Variants in CPM observed in about 807,000 individuals in gnomAD.
CPM encodes the protein renal carboxypeptidase.
A neutral mutation model predicts 46.4 loss-of-function variants in CPM; 35 were observed. The observed-to-expected ratio is 0.75, with a 90% confidence interval of 0.58 to 1.00. The LOEUF (loss-of-function observed/expected upper bound fraction) is 1.00. Ranked by LOEUF, CPM falls within the 50% of genes least tolerant of loss-of-function variation. The probability of loss-of-function intolerance (pLI) is 0.00; values close to 1 mark genes in which losing one functional copy is unlikely to be tolerated. For missense variants in CPM, 422 were observed against 530.4 expected (o/e 0.80, Z 2.01); for synonymous variants, 195 against 195.3 (o/e 1.00, Z 0.01).
chr12:68,939,068 A>C (rs1888718538), intron 1 of CPM, among the ~76,000 whole-genome samples: 1 of 146,942 alleles, frequency 6.8e-6, no homozygotes, highest in South Asian at 2.1e-4. Context: ...ATATGTACAT[A>C]CATCTATATA....
chr12:68,887,538 C>T (rs1366456192), intron 2 of CPM, among the ~76,000 whole-genome samples: 1 of 152,210 alleles, frequency 6.6e-6, no homozygotes, highest in Admixed American at 6.5e-5. Context: ...CAGGAGTTCT[C>T]AGAAAACACC....
At position 68,930,329 on chromosome 12, in the gene CPM, G is replaced by A. The variant is rs557877704; in HGVS notation, c.160+2349C>T. Among the ~76,000 whole-genome samples, 7 of 152,302 alleles carry A rather than the reference G, an allele frequency of 4.6e-5. No homozygotes were observed. The South Asian group carries it at 1.0e-3, about 23-fold the overall frequency. On this transcript the variant is annotated intron_variant, in intron 2 of 8. Coordinates refer to ENST00000551568, the MANE Select transcript of CPM (RefSeq NM_198320.5). ...ATTCCTGACCTCAGGTGATCCTCCC[G>A]CCTCGGCCTCCCAAGGTGCTGGGAT...
chr12:68,958,191 C>T (rs1889056008), intron 1 of CPM, among the ~76,000 whole-genome samples: 1 of 152,038 alleles, frequency 6.6e-6, no homozygotes, highest in African/African-American at 2.4e-5. Context: ...ATTTATAATC[C>T]TTTGGATATA....
At chr12:68,962,118 T>A (rs1435567270) in intron 1 of CPM, among the ~76,000 whole-genome samples, 3 of 149,296 alleles carry the variant, frequency 2.0e-5, no homozygotes, top group Non-Finnish European at 1.5e-5. Flanking sequence ...GAGAATGGCG[T>A]GAACCTGGGA....
At chr12:68,895,937 C>T (rs1156241046) in intron 2 of CPM, among the ~76,000 whole-genome samples, 1 of 152,184 alleles carries the variant, frequency 6.6e-6, no homozygotes, top group Non-Finnish European at 1.5e-5. Flanking sequence ...CATATGTGAA[C>T]TGGATCCCAT....
chr12:68,894,761 G>A (rs1886798449), intron 2 of CPM, among the ~76,000 whole-genome samples: 1 of 152,124 alleles, frequency 6.6e-6, no homozygotes, highest in African/African-American at 2.4e-5. Flanking sequence ...ACGGCCAGGT[G>A]TGGTGGCTCA....
chr12:68,923,362 G>A (rs536073664), intron 2 of CPM, among the ~76,000 whole-genome samples: 50 of 152,244 alleles, frequency 3.3e-4, no homozygotes, highest in African/African-American at 1.2e-3. Flanking sequence ...CTCAAATGTA[G>A]ATACTGCTGT....
At chr12:68,849,508 C>G (rs1884561466), downstream of CPM, 1 of 152,176 alleles carries the variant, frequency 6.6e-6, no homozygotes, top group Non-Finnish European at 1.5e-5. Context: ...CTCCCAAGGT[C>G]AAATGATTCT....
intron 3 of CPM, among the ~76,000 whole-genome samples, chr12:68,883,453 T>C (rs1886284185): frequency 6.6e-6 from 1 of 152,106 alleles, no homozygotes; most frequent in Non-Finnish European, 1.5e-5. Context: ...CCCCAGACAT[T>C]GCCACGAGCT....
At chr12:68,941,488 C>G (rs1202242102) in intron 1 of CPM, among the ~76,000 whole-genome samples, 2 of 152,082 alleles carry the variant, frequency 1.3e-5, no homozygotes, top group Admixed American at 6.6e-5. Context: ...ATCCTCCCAC[C>G]TGAGCCTCCC....
intron 3 of CPM, among the ~76,000 whole-genome samples, chr12:68,875,355 A>G (rs76029907): frequency 9.3e-6 from 1 of 107,694 alleles, no homozygotes; most frequent in South Asian, 3.2e-4. Flanking sequence ...ACTCCACCTC[A>G]AAAAAAAAAG....
chr12:68,956,643 G>C (rs974880322), intron 1 of CPM, among the ~76,000 whole-genome samples: 2 of 152,058 alleles, frequency 1.3e-5, no homozygotes, highest in Non-Finnish European at 2.9e-5. Context: ...CATTTGCCCA[G>C]TAAAAAACAG....
intron 2 of CPM, among the ~76,000 whole-genome samples, chr12:68,899,282 C>G (rs1008893104): frequency 1.3e-5 from 2 of 152,176 alleles, no homozygotes; most frequent in Admixed American, 6.5e-5. Flanking sequence ...TTTTTCAACT[C>G]CAAGGACTGA....
upstream of CPM, among the ~76,000 whole-genome samples, chr12:68,936,627 G>C (rs1196003061): frequency 1.3e-5 from 2 of 152,078 alleles, no homozygotes; most frequent in Non-Finnish European, 2.9e-5. Context: ...CAAATTATCT[G>C]CCTGCCTCAG....
chr12:68,844,446 CA>C (rs1324564069), intron 5 of CPM: 1 of 228,158 alleles, frequency 4.4e-6, no homozygotes, highest in East Asian at 6.3e-5. Flanking sequence ...TCTCTTAGGT[CA>C]CATGGCAGCC....
At chr12:68,877,185 G>A (rs1022339544) in intron 3 of CPM, among the ~76,000 whole-genome samples, 16 of 151,950 alleles carry the variant, frequency 1.1e-4, no homozygotes, top group African/African-American at 2.4e-4. Flanking sequence ...TATCTAATGC[G>A]GGTCACACAC....
intron 3 of CPM, among the ~76,000 whole-genome samples, chr12:68,874,435 G>A (rs1003393191): frequency 6.6e-6 from 1 of 152,082 alleles, no homozygotes; most frequent in Non-Finnish European, 1.5e-5. Flanking sequence ...GGCCAACATG[G>A]TGAAACCCCA....
At chr12:68,919,268 A>G (rs1049120685) in intron 2 of CPM, among the ~76,000 whole-genome samples, 2 of 152,346 alleles carry the variant, frequency 1.3e-5, no homozygotes, top group Admixed American at 6.5e-5. Context: ...GATAGGCTCC[A>G]TGCTTTCATG....
At chr12:68,916,968 T>C (rs1887834703) in intron 2 of CPM, among the ~76,000 whole-genome samples, 2 of 152,004 alleles carry the variant, frequency 1.3e-5, no homozygotes, top group Admixed American at 1.3e-4. Flanking sequence ...ATCAGAAATT[T>C]TTCAATCAAG....
Sources: allele counts gnomAD v4.1 joint callset (sites outside exome capture counted in the v4.1 genomes callset), GRCh38; gene constraint gnomAD v4.1.1; transcripts MANE v1.5; gene names NCBI Gene and HGNC (gene_info 2026-07-23, HGNC 2026-07-21).